The following NRG1 variants were observed in gnomAD, a reference collection of about 807,000 sequenced individuals.
The protein encoded by NRG1 is neuregulin 1, also known as pro-neuregulin-1, membrane-bound isoform.
A neutral mutation model predicts 63.8 loss-of-function variants in NRG1; 18 were observed. The ratio of observed to expected loss-of-function variants is 0.28; its 90% CI spans 0.19 to 0.42. NRG1 has a LOEUF of 0.42. Ranked by LOEUF, NRG1 falls within the 10% of genes least tolerant of loss-of-function variation. The pLI is 1.00. For missense variants in NRG1, 762 were observed against 814.7 expected (o/e 0.94, Z 0.79); for synonymous variants, 302 against 301.3 (o/e 1.00, Z -0.02).
At chr8:32,087,979 G>C (rs1828534332) in intron 1 of NRG1, among the ~76,000 whole-genome samples, 1 of 152,108 alleles carries the variant, frequency 6.6e-6, no homozygotes, top group South Asian at 2.1e-4. Flanking sequence ...CTTATCTCCT[G>C]GCCTTGACTA....
At chr8:32,483,681 G>A (rs1013546641) in intron 1 of NRG1, among the ~76,000 whole-genome samples, 9 of 152,180 alleles carry the variant, frequency 5.9e-5, no homozygotes, top group African/African-American at 1.9e-4. Flanking sequence ...TTGAGCATAG[G>A]TGAGCTGTCA....
chr8:32,093,254 A>G (rs1017829102), intron 1 of NRG1, among the ~76,000 whole-genome samples: 2 of 152,310 alleles, frequency 1.3e-5, no homozygotes, highest in East Asian at 1.9e-4. Context: ...CAGGATGTGC[A>G]TAGCCCGAGA....
At chr8:31,719,630 A>G (rs1292168719) in intron 1 of NRG1, among the ~76,000 whole-genome samples, 2 of 152,178 alleles carry the variant, frequency 1.3e-5, no homozygotes, top group Non-Finnish European at 1.5e-5. Context: ...CATTTTTAGA[A>G]TGCTTATACT....
chr8:32,300,675 G>T (rs528299488), intron 1 of NRG1, among the ~76,000 whole-genome samples: 5 of 152,304 alleles, frequency 3.3e-5, no homozygotes, highest in African/African-American at 1.2e-4. Context: ...TAGTCATTTT[G>T]TTGTAGCTTT....
At chr8:32,423,707 A>G (rs1418788302) in intron 1 of NRG1, among the ~76,000 whole-genome samples, 1 of 152,142 alleles carries the variant, frequency 6.6e-6, no homozygotes, top group East Asian at 1.9e-4. Flanking sequence ...TGTGCCAGAG[A>G]CCCACTACCT....
chr8:32,388,823 T>TG (rs1017660235), intron 1 of NRG1, among the ~76,000 whole-genome samples: 1 of 151,730 alleles, frequency 6.6e-6, no homozygotes, highest in African/African-American at 2.4e-5. Context: ...AAGTTTTTTT[T>TG]GGGGGGGAAA....
chr8:32,669,808 C>G (rs1011166451), intron 5 of NRG1, among the ~76,000 whole-genome samples: 7 of 152,064 alleles, frequency 4.6e-5, no homozygotes, highest in African/African-American at 1.7e-4. Context: ...CAGACTGGAC[C>G]CTAAGCCCAT....
intron 1 of NRG1, among the ~76,000 whole-genome samples, chr8:31,737,283 C>A (rs1335692465): frequency 6.6e-6 from 1 of 152,060 alleles, no homozygotes; most frequent in Non-Finnish European, 1.5e-5. Context: ...TTCCCCAAAT[C>A]CAAGACTGTG....
At chr8:32,227,707 G>A (rs1484646363) in intron 1 of NRG1, among the ~76,000 whole-genome samples, 1 of 152,090 alleles carries the variant, frequency 6.6e-6, no homozygotes, top group Non-Finnish European at 1.5e-5. Flanking sequence ...CTCCCCAGGG[G>A]AGACCAAGCT....
At chr8:32,078,225 T>A (rs1414798976) in intron 1 of NRG1, among the ~76,000 whole-genome samples, 2 of 152,190 alleles carry the variant, frequency 1.3e-5, no homozygotes, top group East Asian at 3.9e-4. Flanking sequence ...GAGTGAGTTC[T>A]TACTCTGTTA....
chr8:32,233,665 A>T (rs966289446), intron 1 of NRG1, among the ~76,000 whole-genome samples: 16 of 150,846 alleles, frequency 1.1e-4, no homozygotes, highest in African/African-American at 3.9e-4. Context: ...CCTGGGTTCA[A>T]GTGATTCTCC....
chr8:32,331,565 T>G (rs565249537), intron 1 of NRG1, among the ~76,000 whole-genome samples: 149 of 152,168 alleles, frequency 9.8e-4, no homozygotes, highest in Non-Finnish European at 1.9e-3. Flanking sequence ...ATTGCCCCTT[T>G]ACAATTTAAT....
chr8:31,795,839 A>C (rs1262338400), intron 1 of NRG1, among the ~76,000 whole-genome samples: 1 of 152,210 alleles, frequency 6.6e-6, no homozygotes, highest in Admixed American at 6.5e-5. Context: ...TACTCTAAGG[A>C]AGCAGATTTA....
intron 1 of NRG1, among the ~76,000 whole-genome samples, chr8:32,484,648 G>T (rs1436363521): frequency 6.6e-6 from 1 of 150,564 alleles, no homozygotes; most frequent in African/African-American, 2.4e-5. Context: ...ACTCACTTTT[G>T]TCTTTTTTCT....
At chr8:31,874,804 CT>C (rs1158580936) in intron 1 of NRG1, among the ~76,000 whole-genome samples, 1 of 145,316 alleles carries the variant, frequency 6.9e-6, no homozygotes, top group African/African-American at 2.5e-5. Context: ...ATTTCCATGT[CT>C]TTTAAAGTGT....
chr8:32,466,371 CAAA>C (rs35722571), intron 1 of NRG1, among the ~76,000 whole-genome samples: 3 of 125,080 alleles, frequency 2.4e-5, no homozygotes, highest in Admixed American at 7.9e-5. Flanking sequence ...ACCTTGACAT[CAAA>C]AAAAAAAAAA....
chr8:32,620,992 G>T (rs1848242017), intron 5 of NRG1, among the ~76,000 whole-genome samples: 1 of 152,040 alleles, frequency 6.6e-6, no homozygotes, highest in South Asian at 2.1e-4. Context: ...TAACAATAAA[G>T]AAATCATTCT....
chr8:32,705,581 CT>C (rs1472604428), intron 5 of NRG1, among the ~76,000 whole-genome samples: 2 of 152,148 alleles, frequency 1.3e-5, no homozygotes, highest in African/African-American at 4.8e-5. Flanking sequence ...TCTTGATCTA[CT>C]CTTTATTTCC....
intron 1 of NRG1, among the ~76,000 whole-genome samples, chr8:31,660,799 A>G (rs1036882077): frequency 6.6e-6 from 1 of 152,228 alleles, no homozygotes. Flanking sequence ...TTCTGTTTTT[A>G]TCTTGAGATA....
Sources: allele counts gnomAD v4.1 joint callset (sites outside exome capture counted in the v4.1 genomes callset), GRCh38; gene constraint gnomAD v4.1.1; transcripts MANE v1.5; gene names NCBI Gene and HGNC (gene_info 2026-07-23, HGNC 2026-07-21).